The following MEF2D variants were observed in gnomAD, a reference collection of about 807,000 sequenced individuals.
MEF2D encodes the protein myocyte-specific enhancer factor 2D.
A neutral mutation model predicts 59.3 loss-of-function variants in MEF2D; 10 were observed. That is an observed-to-expected ratio of 0.17 (90% confidence interval 0.10 to 0.29). The LOEUF is 0.29. Ranked by LOEUF, MEF2D falls within the 10% of genes least tolerant of loss-of-function variation. MEF2D has a pLI of 1.00. For synonymous variants in MEF2D, 305 were observed against 295.0 expected, an observed-to-expected ratio of 1.03 and a Z score of -0.35; for missense variants, 508 against 699.4, an observed-to-expected ratio of 0.73 and a Z score of 3.09.
At chr1:156,481,413 C>T (rs1311072705) in intron 3 of MEF2D, among the ~76,000 whole-genome samples, 1 of 152,080 alleles carries the variant, frequency 6.6e-6, no homozygotes, top group Non-Finnish European at 1.5e-5. Context: ...GCTCCCAGTC[C>T]CTGGGCTCTG....
intron 6 of MEF2D, 93 bp downstream of exon 6, chr1:156,479,197 C>T (rs1671815545): frequency 9.5e-7 from 1 of 1,050,074 alleles, no homozygotes; most frequent in Non-Finnish European, 1.4e-6. Flanking sequence ...TCTTCCTCTC[C>T]TCTCATCTAG....
chr1:156,475,384 C>A (rs977836319), intron 8 of MEF2D, 147 bp from the exon 9 acceptor site: 7 of 877,374 alleles, frequency 8.0e-6, no homozygotes, highest in Non-Finnish European at 1.0e-5. Flanking sequence ...TATACAAACA[C>A]ACGTTGGTGC....
chr1:156,478,189 CAT>C (rs1671743713), intron 6 of MEF2D, among the ~76,000 whole-genome samples: 1 of 152,182 alleles, frequency 6.6e-6, no homozygotes, highest in Non-Finnish European at 1.5e-5. Context: ...AAGAGGGTGA[CAT>C]ATTCACCCAC....
chr1:156,474,979 G>A, intron 9 of MEF2D, 129 bp downstream of exon 9: 3 of 1,329,488 alleles, frequency 2.3e-6, no homozygotes, highest in Non-Finnish European at 3.1e-6. Flanking sequence ...CCATAAGTAG[G>A]TGGGGGTTCC....
rs1427310716 is a variant in MEF2D, at chr1:156,479,643, G to A, written c.550C>T (p.Pro184Ser). The change falls in exon 5 of 12, where the codon CCA becomes TCA. Residue 184 changes from proline to serine, a missense_variant. By Grantham distance (74) the Pro-to-Ser change is moderately conservative (BLOSUM62 -1). Transcript: ENST00000348159. ...TDPRLLSPQQPALQRNSVSPG... is the reference protein window; with the variant it reads ...TDPRLLSPQQSALQRNSVSPG... Reference sequence around the variant, plus strand: ...GACACACTGTTCCTCTGTAGTGCTGGCTGCTGGGGGGACAGGAGCCGCGGG... The same window carrying A: ...GACACACTGTTCCTCTGTAGTGCTGACTGCTGGGGGGACAGGAGCCGCGGG... The A allele has an allele frequency of 6.4e-6, 10 of 1,552,886 alleles. No individual in the cohort carries two copies. The highest frequency in any genetic ancestry group is 7.8e-6 in the Non-Finnish European group (9 of 1,147,750).
In MEF2D at chr1:156,500,686, C is replaced by G. The variant is rs1673444912; in HGVS notation, c.-339G>C. On this transcript the variant is annotated 5_prime_UTR_variant, in exon 1 of 12. Coordinates refer to ENST00000348159, the MANE Select transcript of MEF2D (RefSeq NM_005920.4). The stretch of plus-strand genomic sequence containing the variant: ...CGGGGGCCAGCAGGCGGGCGGCAGG[C>G]AAGCGGGGAACCGGGGCCGAGCGCC... 1 of 152,048 alleles carries G rather than the reference C, an allele frequency of 6.6e-6. No homozygotes were observed. Among genetic ancestry groups the G allele is most frequent in the East Asian group, 1.9e-4 (1 of 5,192 alleles). 9.4% of individuals were successfully genotyped at this position (152,048 alleles called of 1,614,324 possible). A position where few individuals can be genotyped will look rare whatever the true frequency, so the allele number is the denominator to read the frequency against.
chr1:156,481,000 G>T (rs769454248), intron 3 of MEF2D, 29 bp from the exon 4 acceptor site: 8 of 1,610,846 alleles, frequency 5.0e-6, no homozygotes, highest in East Asian at 2.2e-5. Context: ...CATCAGCTGG[G>T]TGAGAGTCCT....
intron 11 of MEF2D, 69 bp downstream of exon 11, chr1:156,467,924 T>G: frequency 6.5e-7 from 1 of 1,533,932 alleles, no homozygotes; most frequent in African/African-American, 1.4e-5. Flanking sequence ...TAAAACAGGT[T>G]AGGGGGCACG....
intron 1 of MEF2D, among the ~76,000 whole-genome samples, chr1:156,496,003 C>CA: frequency 6.6e-6 from 1 of 152,196 alleles, no homozygotes; most frequent in East Asian, 1.9e-4. Flanking sequence ...GAAAAGAAGT[C>CA]AGACAGGCAC....
chr1:156,476,827 G>A (rs549776630), intron 7 of MEF2D, 185 bp downstream of exon 7: 1 of 706,702 alleles, frequency 1.4e-6, no homozygotes, highest in East Asian at 2.7e-5. Flanking sequence ...GGTACTTCTT[G>A]TGCTGCAACC....
At chr1:156,470,648 T>C (rs1671181079) in intron 9 of MEF2D, among the ~76,000 whole-genome samples, 1 of 152,160 alleles carries the variant, frequency 6.6e-6, no homozygotes, top group Non-Finnish European at 1.5e-5. Context: ...GAGGTCAAAC[T>C]TCCAGGCTAC....
chr1:156,479,411 CTGAACA>C, intron 5 of MEF2D, 65 bp from the exon 6 acceptor site: 1 of 1,565,310 alleles, frequency 6.4e-7, no homozygotes, highest in Non-Finnish European at 8.7e-7. Flanking sequence ...GTCTTGGGGA[CTGAACA>C]TGAAGAGGGG....
rs150822197 is a variant in MEF2D, at chr1:156,468,088, G to T, written c.1459C>A (p.Arg487=). The T allele has an allele frequency of 3.1e-6, 5 of 1,613,950 alleles. No individual in the cohort carries two copies. In the African/African-American group the frequency reaches 6.7e-5, roughly 22 times the overall value. The part of the protein sequence containing the change: ...SYETGDRDDG[R]GDFGPTLGLL... Reference sequence around the variant, plus strand: ...CCCAGTGTGGGCCCGAAGTCCCCCCGTCCGTCATCCCGGTCTCCCGTCTCA... The same window carrying T: ...CCCAGTGTGGGCCCGAAGTCCCCCCTTCCGTCATCCCGGTCTCCCGTCTCA... Residue 487 remains arginine (R), a synonymous_variant, in exon 11 of 12, where the codon CGG becomes AGG. Coordinates refer to ENST00000348159, the MANE Select transcript of MEF2D (RefSeq NM_005920.4). This position sits in a 1 kb window ranked among gnomAD's most constrained non-coding sequence, Gnocchi z 4.3.
chr1:156,467,935 C>G, intron 11 of MEF2D, 58 bp downstream of exon 11: 1 of 1,551,362 alleles, frequency 6.4e-7, no homozygotes, highest in Non-Finnish European at 8.7e-7. Flanking sequence ...AGGGGGCACG[C>G]GGGGCAGTCC....
At chr1:156,498,262 G>A (rs1445375000) in intron 1 of MEF2D, among the ~76,000 whole-genome samples, 3 of 152,036 alleles carry the variant, frequency 2.0e-5, no homozygotes, top group African/African-American at 7.3e-5. Flanking sequence ...AGCACAGAGT[G>A]GGGTGGACAC....
At chr1:156,489,473 G>A (rs1672607601) in intron 1 of MEF2D, among the ~76,000 whole-genome samples, 1 of 152,144 alleles carries the variant, frequency 6.6e-6, no homozygotes, top group African/African-American at 2.4e-5. Context: ...AGGCCAGAAG[G>A]CATTATGGGG....
chr1:156,482,716 T>C, intron 2 of MEF2D, 76 bp from the exon 3 acceptor site: 1 of 1,373,086 alleles, frequency 7.3e-7, no homozygotes, highest in Non-Finnish European at 1.0e-6. Context: ...TACAGATGGC[T>C]GGACATAGCC....
At chr1:156,482,338 G>T in intron 3 of MEF2D, 99 bp downstream of exon 3, 2 of 1,220,448 alleles carry the variant, frequency 1.6e-6, no homozygotes, top group Non-Finnish European at 1.2e-6. Context: ...GTATACCAGT[G>T]TGTGTGCATA....
chr1:156,465,411 C>T lies in MEF2D; in HGVS notation c.*2234G>A, dbSNP rs1017024563. 1 of 152,412 alleles carries T rather than the reference C, an allele frequency of 6.6e-6. No homozygotes were observed. Among genetic ancestry groups the T allele is most frequent in the African/African-American group, 2.4e-5 (1 of 41,408 alleles). 9.4% of individuals were successfully genotyped at this position (152,412 alleles called of 1,614,324 possible). ...AGCACAGAGGGCTAACTGCCAATCCCCCCAACTGCAGTTCAATGTGTCAGA... is the reference window on the plus strand; with the variant it reads ...AGCACAGAGGGCTAACTGCCAATCCTCCCAACTGCAGTTCAATGTGTCAGA... On this transcript the variant is annotated 3_prime_UTR_variant, in exon 12 of 12. Transcript: ENST00000348159.
Sources: gnomAD v4.1 joint callset for allele counts (sites outside exome capture counted in the v4.1 genomes callset) on GRCh38, gnomAD v4.1.1 for gene constraint, Gnocchi (gnomAD v3.1) non-coding constraint, MANE v1.5 for transcripts, NCBI Gene and HGNC (gene_info 2026-07-23, HGNC 2026-07-21) for gene names.